Variants in ZWILCH observed in about 807,000 individuals in gnomAD.
The protein encoded by ZWILCH is zwilch kinetochore protein.
Under a neutral mutation model 79.9 loss-of-function variants are expected in ZWILCH, and 74 were observed. That is an observed-to-expected ratio of 0.93 (90% CI 0.77 to 1.12). ZWILCH has a LOEUF of 1.12. Among genes scored for constraint, ZWILCH ranks in the 50% most tolerant of loss-of-function variants. ZWILCH has a pLI of 0.00. For synonymous variants in ZWILCH, 241 were observed against 228.2 expected, an observed-to-expected ratio of 1.06 and a Z score of -0.51; for missense variants, 694 against 687.5, an observed-to-expected ratio of 1.01 and a Z score of -0.11.
At chr15:66,519,172 G>T in intron 5 of ZWILCH, 94 bp downstream of exon 5, 1 of 1,243,296 alleles carries the variant, frequency 8.0e-7, no homozygotes, top group East Asian at 2.4e-5. Context: ...TTGTTATGAT[G>T]AAAGTGCACA....
chr15:66,523,920 A>G (rs1476495954), intron 8 of ZWILCH, among the ~76,000 whole-genome samples, 172 bp downstream of exon 8: 1 of 152,210 alleles, frequency 6.6e-6, no homozygotes, highest in African/African-American at 2.4e-5. Context: ...AGTTGTCCTT[A>G]CAATTAACGG....
chr15:66,545,673 C>A (rs1259300369), intron 17 of ZWILCH, among the ~76,000 whole-genome samples: 1 of 152,160 alleles, frequency 6.6e-6, no homozygotes, highest in African/African-American at 2.4e-5. Flanking sequence ...TTGTAGCCAT[C>A]ATATATTCTT....
chr15:66,526,042 G>A (rs1894663190), intron 8 of ZWILCH, among the ~76,000 whole-genome samples: 1 of 152,122 alleles, frequency 6.6e-6, no homozygotes. Flanking sequence ...GGGATTACAG[G>A]CATGAGCCAC....
At position 66,548,702 on chromosome 15, in the gene ZWILCH, T is replaced by TA. The variant is rs1198519083; in HGVS notation, c.*384dup. On this transcript the variant is annotated 3_prime_UTR_variant, in exon 19 of 19. Transcript: ENST00000307897. ...AAGCTTTAACTGTATTGGGAAAACT[T>TA]AAAAAATAGCATCCTCAAATTTTCT... The TA allele has an allele frequency of 1.9e-6, 1 of 520,728 alleles. No homozygotes were observed. Among genetic ancestry groups the TA allele is most frequent in the South Asian group, 4.1e-5 (1 of 24,486 alleles). 32.3% of individuals were successfully genotyped at this position (520,728 alleles called of 1,614,324 possible).
At chr15:66,522,069 G>C (rs1595911168) in intron 7 of ZWILCH, among the ~76,000 whole-genome samples, 2 of 151,876 alleles carry the variant, frequency 1.3e-5, no homozygotes, top group Admixed American at 6.6e-5. Context: ...GTGGTGTTGT[G>C]TGCCTGTAGT....
chr15:66,506,736 G>A (rs948313541), intron 1 of ZWILCH, among the ~76,000 whole-genome samples: 1 of 152,126 alleles, frequency 6.6e-6, no homozygotes, highest in Admixed American at 6.6e-5. Flanking sequence ...AGCTACTCTG[G>A]AGGCTGAGGC....
chr15:66,542,029 G>C (rs1387242105), intron 17 of ZWILCH, among the ~76,000 whole-genome samples: 2 of 152,188 alleles, frequency 1.3e-5, no homozygotes, highest in African/African-American at 2.4e-5. Flanking sequence ...AGAGCCATCA[G>C]TTAAAATTGT....
At chr15:66,541,860 T>C (rs1277445287) in intron 17 of ZWILCH, among the ~76,000 whole-genome samples, 1 of 152,206 alleles carries the variant, frequency 6.6e-6, no homozygotes, top group Non-Finnish European at 1.5e-5. Flanking sequence ...ATAGTTTTAT[T>C]TTACTGATTA....
At chr15:66,545,254 TGA>T (rs1895334147) in intron 17 of ZWILCH, among the ~76,000 whole-genome samples, 1 of 152,014 alleles carries the variant, frequency 6.6e-6, no homozygotes, top group Non-Finnish European at 1.5e-5. Flanking sequence ...CTCAGGAGGC[TGA>T]GACAGGAGAA....
intron 2 of ZWILCH, among the ~76,000 whole-genome samples, chr15:66,509,156 G>A (rs190997086): frequency 1.1e-3 from 174 of 152,176 alleles, no homozygotes; most frequent in Middle Eastern, 3.4e-3. Context: ...TAGCCAGGAT[G>A]GTCTCGATCT....
intron 14 of ZWILCH, among the ~76,000 whole-genome samples, chr15:66,534,436 C>G (rs564146992): frequency 3.3e-5 from 5 of 152,258 alleles, no homozygotes; most frequent in Middle Eastern, 3.4e-3. Flanking sequence ...AGTCATACTT[C>G]ACTTAATGAT....
At chr15:66,527,213 T>C in intron 8 of ZWILCH, 77 bp from the exon 9 acceptor site, 1 of 1,003,326 alleles carries the variant, frequency 1.0e-6, no homozygotes, top group East Asian at 2.4e-5. Context: ...GCAATTAATA[T>C]TATTATTACA....
chr15:66,520,950 C>T, intron 6 of ZWILCH, 100 bp from the exon 7 acceptor site: 2 of 1,330,062 alleles, frequency 1.5e-6, no homozygotes, highest in Non-Finnish European at 1.0e-6. Flanking sequence ...GGCGTGTGTG[C>T]TCTTTTTTCT....
chr15:66,524,784 G>T (rs1280890537), intron 8 of ZWILCH, among the ~76,000 whole-genome samples: 1 of 151,912 alleles, frequency 6.6e-6, no homozygotes, highest in Non-Finnish European at 1.5e-5. Context: ...TTCTCTGTTT[G>T]TATAAAACTG....
chr15:66,513,712 C>T (rs926555525), intron 2 of ZWILCH, among the ~76,000 whole-genome samples: 1 of 151,994 alleles, frequency 6.6e-6, no homozygotes, highest in African/African-American at 2.4e-5. Flanking sequence ...GCTGGGACTA[C>T]AGGCGCCCGC....
chr15:66,514,178 C>T lies in ZWILCH; in HGVS notation c.201+95C>T, dbSNP rs561508226. The stretch of plus-strand genomic sequence containing the variant: ...AACGTACACGTTTTAAAATCAGCAT[C>T]GGTGAAAATGAGTTCTCATTCTTTT... On this transcript the variant is annotated intron_variant, in intron 3 of 18. Transcript: ENST00000307897. 8 of 822,564 alleles carry T rather than the reference C, an allele frequency of 9.7e-6. No individual in the cohort carries two copies. The East Asian group carries it at 1.1e-4, about 11-fold the overall frequency. The allele number at this position is 822,564 out of a possible 1,614,324, so 51.0% of individuals were successfully genotyped here.
At chr15:66,533,699 G>A (rs78921612) in intron 14 of ZWILCH, among the ~76,000 whole-genome samples, 27,003 of 150,964 alleles carry the variant, frequency 0.18, 3,046 homozygotes, top group Middle Eastern at 0.29. Flanking sequence ...GTGGACACAT[G>A]TTCTAGCAAA....
At chr15:66,519,179 C>A in intron 5 of ZWILCH, 101 bp downstream of exon 5, 1 of 1,169,334 alleles carries the variant, frequency 8.6e-7, no homozygotes, top group Non-Finnish European at 1.3e-6. Context: ...GATGAAAGTG[C>A]ACAAGGTAGA....
At position 66,549,077 on chromosome 15, in the gene ZWILCH, T is replaced by C. The variant is rs759317773; in HGVS notation, c.*753T>C. On this transcript the variant is annotated 3_prime_UTR_variant, in exon 19 of 19. Transcript: ENST00000307897. ...TCTTGTATAGTTAAATAATAATCTTTTTAAGAGTTAATGATAAGCATATGT... is the reference window on the plus strand; with the variant it reads ...TCTTGTATAGTTAAATAATAATCTTCTTAAGAGTTAATGATAAGCATATGT... The C allele has an allele frequency of 6.5e-6, 1 of 152,764 alleles. No homozygotes were observed. Among genetic ancestry groups the C allele is most frequent in the Non-Finnish European group, 1.5e-5 (1 of 68,428 alleles). The allele number at this position is 152,764 out of a possible 1,614,324, so 9.5% of individuals were successfully genotyped here. A position where few individuals can be genotyped will look rare whatever the true frequency, so the allele number is the denominator to read the frequency against.
Sources: gnomAD v4.1 joint callset for allele counts (sites outside exome capture counted in the v4.1 genomes callset) on GRCh38, gnomAD v4.1.1 for gene constraint, MANE v1.5 for transcripts, NCBI Gene and HGNC (gene_info 2026-07-23, HGNC 2026-07-21) for gene names.